Variants in IGF1R observed in about 807,000 individuals in gnomAD.
IGF1R encodes insulin-like growth factor 1 receptor.
IGF1R carries 44 observed loss-of-function variants against 144.6 expected under a neutral mutation model. That is an observed-to-expected ratio of 0.30 (90% CI 0.24 to 0.39). The LOEUF is 0.39. IGF1R is among the 10% of genes least tolerant of loss of function. IGF1R has a pLI of 1.00. For synonymous variants in IGF1R, 795 were observed against 722.8 expected (o/e 1.10, Z -1.60); for missense variants, 1,355 against 1,833.7 (o/e 0.74, Z 4.77).
intron 2 of IGF1R, among the ~76,000 whole-genome samples, chr15:98,814,083 T>C (rs910188687): frequency 6.6e-6 from 1 of 152,220 alleles, no homozygotes; most frequent in South Asian, 2.1e-4. Flanking sequence ...AATTGAGGTA[T>C]GTGACATGGT....
chr15:98,701,097 T>A (rs892954250), intron 1 of IGF1R, among the ~76,000 whole-genome samples: 1 of 152,046 alleles, frequency 6.6e-6, no homozygotes, highest in Non-Finnish European at 1.5e-5. Flanking sequence ...AGAATTCATT[T>A]TAAGAGGAGT....
At chr15:98,933,754 C>T (rs2016032029) in intron 15 of IGF1R, among the ~76,000 whole-genome samples, 1 of 45,230 alleles carries the variant, frequency 2.2e-5, no homozygotes, top group South Asian at 4.4e-4. Flanking sequence ...CCTGAGTTCA[C>T]AGAGCCCAGG....
intron 1 of IGF1R, among the ~76,000 whole-genome samples, chr15:98,662,337 T>G (rs77236801): frequency 2.0e-5 from 3 of 151,998 alleles, no homozygotes; most frequent in Non-Finnish European, 4.4e-5. Context: ...GACGTCTGAG[T>G]CTCAGGTCAG....
intron 2 of IGF1R, among the ~76,000 whole-genome samples, chr15:98,744,286 G>C (rs773523449): frequency 9.2e-5 from 14 of 152,110 alleles, no homozygotes; most frequent in Non-Finnish European, 1.9e-4. Context: ...TCCAGGGAGA[G>C]AGGAGGGTTT....
intron 5 of IGF1R, among the ~76,000 whole-genome samples, chr15:98,901,968 T>C (rs1470915134): frequency 6.6e-6 from 1 of 152,222 alleles, no homozygotes; most frequent in African/African-American, 2.4e-5. Flanking sequence ...GGTTATAATT[T>C]AGGAAGACCA....
chr15:98,957,438 G>A lies in IGF1R; in HGVS notation c.4100G>A (p.Cys1367Tyr), dbSNP rs951700427. 1 of 1,612,950 alleles carries A rather than the reference G, an allele frequency of 6.2e-7. No homozygotes were observed. Among genetic ancestry groups the A allele is most frequent in the African/African-American group, 1.3e-5 (1 of 75,062 alleles). Residue 1367 changes from cysteine to tyrosine, a missense_variant, in exon 21 of 21, where the codon TGC (cysteine) becomes TAC (tyrosine). Cys to Tyr is a radical substitution (Grantham distance 194). This residue lies in a region of IGF1R where 219 missense variants were observed against 188.8 expected (regional missense o/e 1.16). Coordinates refer to ENST00000650285, the MANE Select transcript of IGF1R (RefSeq NM_000875.5). The stretch of plus-strand genomic sequence containing the variant: ...TTGCCGCTGCCCCAGTCTTCGACCT[G>A]CTGATCCTTGGATCCTGAATCTGTG... The part of the protein sequence containing the change: ...RALPLPQSST[C>Y]
intron 2 of IGF1R, among the ~76,000 whole-genome samples, chr15:98,887,465 G>A (rs960782949): frequency 2.6e-5 from 4 of 152,046 alleles, no homozygotes; most frequent in African/African-American, 9.7e-5. Context: ...TGATCTTAAT[G>A]TCTATTACAC....
intron 1 of IGF1R, among the ~76,000 whole-genome samples, chr15:98,702,054 T>TC (rs397740172): frequency 4.7e-5 from 7 of 150,198 alleles, no homozygotes; most frequent in African/African-American, 1.2e-4. Flanking sequence ...TTTTTTTTTT[T>TC]CCTAGGACCT....
At chr15:98,736,087 G>A (rs2054602127) in intron 2 of IGF1R, among the ~76,000 whole-genome samples, 1 of 152,116 alleles carries the variant, frequency 6.6e-6, no homozygotes, top group South Asian at 2.1e-4. Flanking sequence ...TTATTAAAAA[G>A]AAAAACAATC....
intron 2 of IGF1R, among the ~76,000 whole-genome samples, chr15:98,713,357 C>T (rs1005141642): frequency 2.0e-5 from 3 of 152,180 alleles, no homozygotes; most frequent in African/African-American, 7.2e-5. Flanking sequence ...TCCTGGCAGT[C>T]TTCGGTGAGC....
At chr15:98,762,231 T>A (rs879748336) in intron 2 of IGF1R, among the ~76,000 whole-genome samples, 8,355 of 126,094 alleles carry the variant, frequency 0.066, 283 homozygotes, top group Middle Eastern at 0.15. Flanking sequence ...TTCTTTTCTT[T>A]TCTTTTCTTT....
At chr15:98,753,713 C>A (rs2055079662) in intron 2 of IGF1R, among the ~76,000 whole-genome samples, 1 of 152,062 alleles carries the variant, frequency 6.6e-6, no homozygotes, top group African/African-American at 2.4e-5. Flanking sequence ...GTTAGCCAAA[C>A]CATGGCGAAT....
chr15:98,935,453 C>A lies in IGF1R; in HGVS notation c.3297+27C>A. The A allele has an allele frequency of 3.9e-6, 5 of 1,269,324 alleles. No individual in the cohort carries two copies. The highest frequency in any genetic ancestry group is 5.6e-6 in the Non-Finnish European group (5 of 888,850). 78.6% of individuals were successfully genotyped at this position (1,269,324 alleles called of 1,614,324 possible). ...TCAGTTTTCATTTCCACCGGTATTG[C>A]ATGTTGCCTGGCCTGCTCTCTTTTC... On this transcript the variant is annotated intron_variant, in intron 17 of 20. Transcript: ENST00000650285. The surrounding 1 kb of genome is among the most constrained non-coding windows in gnomAD (Gnocchi z 4.2).
Position 98,649,520 on chromosome 15 carries a change from C to CTTTTTTTTT in IGF1R, c.-58_-57insTTTTTTTTT. The CTTTTTTTTT allele has an allele frequency of 9.3e-6, 8 of 857,964 alleles. No homozygotes were observed. The highest frequency in any genetic ancestry group is 1.8e-5 in the South Asian group (1 of 54,516). 53.1% of individuals were successfully genotyped at this position (857,964 alleles called of 1,614,324 possible). A position where few individuals can be genotyped will look rare whatever the true frequency, so the allele number is the denominator to read the frequency against. ...TCCTTTCATTTCCTTTTTTTCTTTT[C>CTTTTTTTTT]TTTTCTTTTTTTTTTTTTTTTTTTT... On this transcript the variant is annotated 5_prime_UTR_variant, in exon 1 of 21. Transcript: ENST00000650285.
chr15:98,752,230 T>G (rs1003270703), intron 2 of IGF1R, among the ~76,000 whole-genome samples: 4 of 152,178 alleles, frequency 2.6e-5, no homozygotes, highest in Non-Finnish European at 5.9e-5. Flanking sequence ...ACTGTTGACA[T>G]TTATGACTGT....
At chr15:98,920,457 A>AT (rs1307623375) in intron 10 of IGF1R, among the ~76,000 whole-genome samples, 1 of 152,202 alleles carries the variant, frequency 6.6e-6, no homozygotes, top group African/African-American at 2.4e-5. Context: ...TGACAGAATT[A>AT]TTTTGCGGTA....
chr15:98,953,997 C>A (rs1438464099), intron 20 of IGF1R, among the ~76,000 whole-genome samples: 1 of 152,192 alleles, frequency 6.6e-6, no homozygotes, highest in Admixed American at 6.5e-5. Flanking sequence ...CTGTTGAGGG[C>A]TGCCAGGAGG....
intron 2 of IGF1R, among the ~76,000 whole-genome samples, chr15:98,755,888 T>C (rs1280999822): frequency 2.0e-5 from 3 of 152,336 alleles, no homozygotes; most frequent in Admixed American, 2.0e-4. Flanking sequence ...CGGAAGAGGC[T>C]GATGAATTTT....
At chr15:98,660,991 A>G (rs13329348) in intron 1 of IGF1R, among the ~76,000 whole-genome samples, 16,380 of 152,136 alleles carry the variant, frequency 0.11, 1,349 homozygotes, top group African/African-American at 0.22. Context: ...TGGGTAGGGT[A>G]CTTGCACACC....
Sources: gnomAD v4.1 joint callset for allele counts (sites outside exome capture counted in the v4.1 genomes callset) on GRCh38, gnomAD v4.1.1 for gene constraint, gnomAD v4.1.1 regional missense constraint, Gnocchi (gnomAD v3.1) non-coding constraint, MANE v1.5 for transcripts, NCBI Gene and HGNC (gene_info 2026-07-23, HGNC 2026-07-21) for gene names.